Variants in ZNF66 observed in about 807,000 individuals in gnomAD.
ZNF66 encodes the protein zinc finger protein 66.
Under a neutral mutation model 35.2 loss-of-function variants are expected in ZNF66, and 32 were observed. The observed-to-expected ratio is 0.91, with a 90% confidence interval of 0.69 to 1.22. The LOEUF (loss-of-function observed/expected upper bound fraction) is 1.22, where lower values mean the gene tolerates loss of function less well. Ranked by LOEUF, ZNF66 falls within the 50% of genes most tolerant of loss-of-function variation. The pLI, the probability that ZNF66 is intolerant of heterozygous loss-of-function variation, is 0.00. For missense variants in ZNF66, 666 were observed against 543.1 expected (o/e 1.23, Z -2.25); for synonymous variants, 231 against 181.3 (o/e 1.27, Z -2.20).
At chr19:20,779,179 G>A (rs12979116) in intron 1 of ZNF66, among the ~76,000 whole-genome samples, 119,184 of 152,058 alleles carry the variant, frequency 0.78, 46,975 homozygotes, top group Non-Finnish European at 0.83. Context: ...GGCACTTTCT[G>A]TACTTTGTAA....
intron 1 of ZNF66, among the ~76,000 whole-genome samples, chr19:20,778,875 A>G (rs1971219903): frequency 9.2e-6 from 1 of 108,114 alleles, no homozygotes; most frequent in African/African-American, 3.3e-5. Flanking sequence ...TCAAACACAT[A>G]GTTTCAAAAA....
At chr19:20,787,856 A>G (rs1025133038) in intron 1 of ZNF66, among the ~76,000 whole-genome samples, 1 of 152,212 alleles carries the variant, frequency 6.6e-6, no homozygotes, top group African/African-American at 2.4e-5. Context: ...CTGGAGTTCC[A>G]CCAGGGCAGT....
intron 3 of ZNF66, among the ~76,000 whole-genome samples, chr19:20,799,890 G>GA (rs1278953803): frequency 6.6e-6 from 1 of 152,158 alleles, no homozygotes; most frequent in African/African-American, 2.4e-5. Flanking sequence ...CCCTGAGCAA[G>GA]AATATGTTGA....
Position 20,806,689 on chromosome 19 carries a change from T to C in ZNF66, c.1089T>C (p.His363=), listed in dbSNP as rs772419309. Residue 363 remains histidine (H), a synonymous_variant, in exon 4 of 4, where the codon CAT becomes CAC. Transcript: ENST00000344519. ...SSTLTKHKII[H]TGEKPYKCEE... ...CCCTTACTAAACATAAAATAATCCATACTGGAGAGAAACCCTACAAATGTG... is the reference window on the plus strand; with the variant it reads ...CCCTTACTAAACATAAAATAATCCACACTGGAGAGAAACCCTACAAATGTG... 3.4e-6 allele frequency: 5 copies of C among 1,479,554 alleles called. No individual in the cohort carries two copies. Among genetic ancestry groups the C allele is most frequent in the Non-Finnish European group, 4.7e-6 (5 of 1,060,102 alleles). The allele number at this position is 1,479,554 out of a possible 1,614,324, so 91.7% of individuals were successfully genotyped here. A position where few individuals can be genotyped will look rare whatever the true frequency, so the allele number is the denominator to read the frequency against.
chr19:20,777,615 CAATT>C (rs998930416), intron 1 of ZNF66, among the ~76,000 whole-genome samples: 1 of 148,344 alleles, frequency 6.7e-6, no homozygotes, highest in African/African-American at 2.5e-5. Flanking sequence ...CCATGTTCCT[CAATT>C]AATTATTATT....
At chr19:20,776,706 A>G (rs1971198112) in intron 1 of ZNF66, among the ~76,000 whole-genome samples, 1 of 152,044 alleles carries the variant, frequency 6.6e-6, no homozygotes, top group Admixed American at 6.5e-5. Context: ...TGTCTCTCCC[A>G]GATTGTGCAG....
chr19:20,809,137 AAAATT>A lies in ZNF66; in HGVS notation c.*1819_*1823del, dbSNP rs1023020636. ...AGTGAGAAGGGAAGTTTAGAGAAAA[AAAATT>A]AAAAAGAAACAAAGTCTCCAAGAAA... On this transcript the variant is annotated 3_prime_UTR_variant, in exon 4 of 4. Transcript: ENST00000344519. Among the ~76,000 whole-genome samples the A allele has an allele frequency of 4.0e-5, 6 of 150,606 alleles. No individual in the cohort carries two copies. Among genetic ancestry groups the A allele is most frequent in the Non-Finnish European group, 7.4e-5 (5 of 67,370 alleles).
intron 1 of ZNF66, among the ~76,000 whole-genome samples, chr19:20,780,370 T>A (rs932565470): frequency 1.3e-5 from 2 of 152,202 alleles, no homozygotes; most frequent in Non-Finnish European, 2.9e-5. Flanking sequence ...CCCATTTGGC[T>A]TTTCCTGGGC....
rs1971196742 is a variant in ZNF66, at chr19:20,776,586, A to C, written c.3+136A>C. ...TGCCTCAGTCCCATTCAGCCATAAG[A>C]TGGCGGCTACGCTGACAGCCTGGCC... On this transcript the variant is annotated intron_variant, in intron 1 of 3. Transcript: ENST00000344519. The C allele has an allele frequency of 2.4e-6, 3 of 1,244,636 alleles. No homozygotes were observed. The East Asian group carries it at 7.2e-5, about 30-fold the overall frequency. The allele number at this position is 1,244,636 out of a possible 1,614,324, so 77.1% of individuals were successfully genotyped here. A position where few individuals can be genotyped will look rare whatever the true frequency, so the allele number is the denominator to read the frequency against.
chr19:20,792,448 T>C, intron 1 of ZNF66, 64 bp from the exon 2 acceptor site: 2 of 1,362,646 alleles, frequency 1.5e-6, no homozygotes, highest in Admixed American at 4.3e-5. Context: ...CATTTCACCT[T>C]AAGTCAAATT....
chr19:20,781,427 C>G (rs1599545386), intron 1 of ZNF66, among the ~76,000 whole-genome samples: 1 of 152,070 alleles, frequency 6.6e-6, no homozygotes. Flanking sequence ...TTGTTCTCCT[C>G]TTTGTGTTCG....
At chr19:20,805,373 T>C (rs1387279366) in intron 3 of ZNF66, among the ~76,000 whole-genome samples, 1 of 152,124 alleles carries the variant, frequency 6.6e-6, no homozygotes, top group African/African-American at 2.4e-5. Flanking sequence ...TTTGTGTTTT[T>C]AGTAGAGATG....
At chr19:20,778,296 T>G (rs1971214241) in intron 1 of ZNF66, among the ~76,000 whole-genome samples, 1 of 152,102 alleles carries the variant, frequency 6.6e-6, no homozygotes, top group African/African-American at 2.4e-5. Context: ...GAGACAGGGT[T>G]TCACCATGTT....
intron 3 of ZNF66, among the ~76,000 whole-genome samples, chr19:20,796,990 A>G (rs1194624727): frequency 6.6e-6 from 1 of 151,988 alleles, no homozygotes; most frequent in Non-Finnish European, 1.5e-5. Context: ...AGCTGGGGTT[A>G]CAGGCATGTG....
intron 2 of ZNF66, among the ~76,000 whole-genome samples, chr19:20,793,318 TTTTCTTTTCTTTTC>T (rs1290979330): frequency 0.017 from 1,362 of 80,990 alleles, 24 homozygotes; most frequent in African/African-American, 0.053. Flanking sequence ...TTTTCTTTTC[TTTTCTTTTCTTTTC>T]TTTTTTTTTT....
In ZNF66 at chr19:20,808,341, AAG is replaced by A. The variant is rs1971547414; in HGVS notation, c.*1024_*1025del. 6.6e-6 allele frequency among the ~76,000 whole-genome samples: 1 copy of A among 152,188 alleles called. No individual in the cohort carries two copies. Among genetic ancestry groups the A allele is most frequent in the Non-Finnish European group, 1.5e-5 (1 of 68,032 alleles). On this transcript the variant is annotated 3_prime_UTR_variant, in exon 4 of 4. Coordinates refer to ENST00000344519, the MANE Select transcript of ZNF66 (RefSeq NM_001355197.2). The stretch of plus-strand genomic sequence containing the variant: ...TAAACGTCCCTGTCTGACAGCTTTG[AAG>A]AGAGTAGTGGTTCTCCCAGCACGCA...
intron 3 of ZNF66, among the ~76,000 whole-genome samples, chr19:20,798,661 C>T (rs1465100911): frequency 2.6e-5 from 4 of 152,118 alleles, no homozygotes; most frequent in African/African-American, 9.7e-5. Context: ...ACTCAATGCC[C>T]ATTAAGTAAC....
chr19:20,784,633 A>G (rs1971271509), intron 1 of ZNF66: 1 of 152,188 alleles, frequency 6.6e-6, no homozygotes, highest in African/African-American at 2.4e-5. Context: ...ATGTATTTCA[A>G]TATAGAACCC....
chr19:20,793,879 GT>G lies in ZNF66; in HGVS notation c.226+2del. 1 of 1,147,956 alleles carries G rather than the reference GT, an allele frequency of 8.7e-7. No homozygotes were observed. The highest frequency in any genetic ancestry group is 1.2e-6 in the Non-Finnish European group (1 of 817,526). 71.1% of individuals were successfully genotyped at this position (1,147,956 alleles called of 1,614,324 possible). A position where few individuals can be genotyped will look rare whatever the true frequency, so the allele number is the denominator to read the frequency against. On this transcript the variant is annotated splice_donor_variant, in intron 3 of 3. Coordinates refer to ENST00000344519, the MANE Select transcript of ZNF66 (RefSeq NM_001355197.2). LOFTEE classifies it high-confidence loss of function. ...CATGAGATGGTAGCCAACCCCTCAG[GT>G]AGGTGTGAGTGAAAATGAATACAAC...
Sources: allele counts gnomAD v4.1 joint callset (sites outside exome capture counted in the v4.1 genomes callset), GRCh38; gene constraint gnomAD v4.1.1; transcripts MANE v1.5; gene names NCBI Gene and HGNC (gene_info 2026-07-23, HGNC 2026-07-21).